The following CEP192 variants were observed in gnomAD, a reference collection of about 807,000 sequenced individuals.
CEP192 encodes the protein centrosomal protein 192, also known as centrosomal protein of 192 kDa.
In CEP192, 151 loss-of-function variants were observed where a neutral mutation model predicts 271.8. That is an observed-to-expected ratio of 0.56 (90% CI 0.49 to 0.64). The LOEUF (loss-of-function observed/expected upper bound fraction) is 0.64. Among genes scored for constraint, CEP192 ranks in the 30% least tolerant of loss-of-function variants. CEP192 has a pLI of 0.00. For synonymous variants in CEP192, 995 were observed against 1,076.5 expected, an observed-to-expected ratio of 0.92 and a Z score of 1.48; for missense variants, 2,910 against 3,020.5, an observed-to-expected ratio of 0.96 and a Z score of 0.86.
intron 3 of CEP192, among the ~76,000 whole-genome samples, chr18:13,006,987 G>A (rs1018448793): frequency 1.3e-5 from 2 of 152,034 alleles, no homozygotes; most frequent in Non-Finnish European, 2.9e-5. Flanking sequence ...GCTTCATGCC[G>A]GGCTTTCCGT....
intron 30 of CEP192, among the ~76,000 whole-genome samples, chr18:13,076,234 T>C (rs2038267832): frequency 6.6e-6 from 1 of 152,106 alleles, no homozygotes; most frequent in Non-Finnish European, 1.5e-5. Context: ...TTCTTTTTTC[T>C]TTTCTTTTTT....
At chr18:13,124,013 A>G (rs1490653877) in intron 44 of CEP192, among the ~76,000 whole-genome samples, 6 of 152,280 alleles carry the variant, frequency 3.9e-5, no homozygotes, top group African/African-American at 1.4e-4. Context: ...TACAAAAATT[A>G]GCTGGGTGCG....
Position 13,048,833 on chromosome 18 carries a change from C to G in CEP192, c.2068-26C>G, listed in dbSNP as rs988013683. The G allele has an allele frequency of 2.1e-6, 3 of 1,461,484 alleles. No individual in the cohort carries two copies. The Admixed American group carries it at 6.2e-5, about 30-fold the overall frequency. The allele number at this position is 1,461,484 out of a possible 1,614,324, so 90.5% of individuals were successfully genotyped here. ...GTTCATGAAACTGGGGTAAATTTATCTGATGTTTAATTTTCTCACTTCTAG... is the reference window on the plus strand; with the variant it reads ...GTTCATGAAACTGGGGTAAATTTATGTGATGTTTAATTTTCTCACTTCTAG... On this transcript the variant is annotated intron_variant, in intron 15 of 44. Transcript: ENST00000506447.
intron 32 of CEP192, chr18:13,088,652 G>C (rs2039003588): frequency 5.3e-6 from 1 of 190,038 alleles, no homozygotes; most frequent in Non-Finnish European, 1.1e-5. Flanking sequence ...ATTAGAAAGG[G>C]GGTGTGGAGG....
intron 11 of CEP192, among the ~76,000 whole-genome samples, chr18:13,036,627 TCTGGCC>T (rs2035932101): frequency 6.6e-6 from 1 of 151,688 alleles, no homozygotes. Context: ...CAGTTGTGTT[TCTGGCC>T]CTGGCCCTCT....
At chr18:13,015,678 T>G (rs1405958426) in intron 6 of CEP192, among the ~76,000 whole-genome samples, 1 of 152,190 alleles carries the variant, frequency 6.6e-6, no homozygotes, top group African/African-American at 2.4e-5. Context: ...ATAGTTAGGG[T>G]ACAAAGTAGT....
intron 10 of CEP192, 46 bp from the exon 11 acceptor site, chr18:13,030,419 A>G (rs1330585445): frequency 6.9e-7 from 1 of 1,450,728 alleles, no homozygotes; most frequent in Non-Finnish European, 9.2e-7. Context: ...TTGTCATTTT[A>G]GTTGTTACAT....
intron 30 of CEP192, among the ~76,000 whole-genome samples, chr18:13,081,669 C>CAGTAT: frequency 6.6e-6 from 1 of 152,014 alleles, no homozygotes; most frequent in Non-Finnish European, 1.5e-5. Context: ...TATTTCTTGC[C>CAGTAT]TTCTGCTAGC....
At chr18:13,036,222 C>G (rs2035909950) in intron 11 of CEP192, among the ~76,000 whole-genome samples, 1 of 151,932 alleles carries the variant, frequency 6.6e-6, no homozygotes, top group Non-Finnish European at 1.5e-5. Flanking sequence ...TAGCACTGTT[C>G]TGACAGGTAG....
chr18:13,002,259 A>G (rs2033696254), intron 3 of CEP192, among the ~76,000 whole-genome samples: 1 of 151,972 alleles, frequency 6.6e-6, no homozygotes, highest in South Asian at 2.1e-4. Flanking sequence ...ATATGAGGCT[A>G]TAGAAAAAGA....
chr18:13,062,074 A>C lies in CEP192; in HGVS notation c.4488+2762A>C, dbSNP rs376925696. Among the ~76,000 whole-genome samples the C allele has an allele frequency of 2.4e-4, 36 of 152,324 alleles. No homozygotes were observed. In the East Asian group the frequency reaches 6.6e-3, roughly 28 times the overall value. ...TATATCAGTGGTGTTTGGTAGTAGA[A>C]GGCAGTGGTTCCCTACTGGTGTGCT... On this transcript the variant is annotated intron_variant, in intron 21 of 44. Transcript: ENST00000506447.
Position 13,029,644 on chromosome 18 carries a change from C to G in CEP192, c.1051-19C>G. Reference sequence around the variant, plus strand: ...ACTTACTGTTGCTCTGTTAAAAAATCTGATTTTTTGTTTTAAAGGAATGTG... The same window carrying G: ...ACTTACTGTTGCTCTGTTAAAAAATGTGATTTTTTGTTTTAAAGGAATGTG... On this transcript the variant is annotated intron_variant, in intron 9 of 44. Coordinates refer to ENST00000506447, the MANE Select transcript of CEP192 (RefSeq NM_032142.4). The G allele has an allele frequency of 7.0e-7, 1 of 1,427,030 alleles. No homozygotes were observed. Among genetic ancestry groups the G allele is most frequent in the Non-Finnish European group, 9.3e-7 (1 of 1,073,222 alleles). 88.4% of individuals were successfully genotyped at this position (1,427,030 alleles called of 1,614,324 possible). A position where few individuals can be genotyped will look rare whatever the true frequency, so the allele number is the denominator to read the frequency against.
chr18:13,036,005 G>A (rs2035895903), intron 11 of CEP192, among the ~76,000 whole-genome samples: 2 of 152,106 alleles, frequency 1.3e-5, no homozygotes, highest in Non-Finnish European at 2.9e-5. Context: ...AATTAGCTGA[G>A]GGTGGTGGCA....
Position 13,049,468 on chromosome 18 carries a change from A to G in CEP192, c.2677A>G (p.Asn893Asp), listed in dbSNP as rs760153588. ...TGACAACAAATTACAAGATGTTGGT[A>G]ACGATGAAAAAGCTACCTCAATTTC... Reference protein sequence around the residue: ...SIDNKLQDVGNDEKATSISTP... With the variant: ...SIDNKLQDVGDDEKATSISTP... The change falls in exon 16 of 45, where the codon AAC becomes GAC. Residue 893 changes from asparagine (N) to aspartate (D), a missense_variant. Transcript: ENST00000506447. 43 of 1,614,044 alleles carry G rather than the reference A, an allele frequency of 2.7e-5. No homozygotes were observed. Among genetic ancestry groups the G allele is most frequent in the Admixed American group, 5.0e-5 (3 of 60,010 alleles).
chr18:13,089,441 A>T lies in CEP192; in HGVS notation c.5994-15A>T, dbSNP rs115931730. 4,968 of 1,332,212 alleles carry T rather than the reference A, an allele frequency of 3.7e-3. 142 individuals are homozygous for T. The African/African-American group carries it at 0.064, about 17-fold the overall frequency. 82.5% of individuals were successfully genotyped at this position (1,332,212 alleles called of 1,614,324 possible). ...ACGTCACTTTTAAATAATAAAAAAA[A>T]ATCTCTCCTGGCAGGGCCCTGTTAC... On this transcript the variant is annotated splice_polypyrimidine_tract_variant and intron_variant, in intron 32 of 44. Transcript: ENST00000506447.
intron 15 of CEP192, 70 bp downstream of exon 15, chr18:13,042,404 A>G: frequency 6.7e-7 from 1 of 1,485,378 alleles, no homozygotes; most frequent in Non-Finnish European, 9.3e-7. Context: ...TCAAGACGAG[A>G]TCACCTGTGA....
intron 27 of CEP192, among the ~76,000 whole-genome samples, chr18:13,070,302 T>G (rs56379103): frequency 8.5e-5 from 13 of 152,360 alleles, no homozygotes; most frequent in African/African-American, 3.1e-4. Flanking sequence ...CTCCTTTCAT[T>G]TAGGTTCAGA....
intron 21 of CEP192, among the ~76,000 whole-genome samples, chr18:13,061,071 C>G (rs1424056803): frequency 1.3e-5 from 2 of 152,134 alleles, no homozygotes; most frequent in African/African-American, 4.8e-5. Context: ...GCCTGTAATC[C>G]CAGCACTTTA....
intron 44 of CEP192, among the ~76,000 whole-genome samples, chr18:13,122,874 GT>G (rs2040737274): frequency 6.6e-6 from 1 of 151,958 alleles, no homozygotes; most frequent in East Asian, 1.9e-4. Context: ...GATTAAATTA[GT>G]TCTCAATAAT....
Sources: gnomAD v4.1 joint callset for allele counts (sites outside exome capture counted in the v4.1 genomes callset) on GRCh38, gnomAD v4.1.1 for gene constraint, MANE v1.5 for transcripts, NCBI Gene and HGNC (gene_info 2026-07-23, HGNC 2026-07-21) for gene names.